Variants in MATN2 observed in about 807,000 individuals in gnomAD.
The protein encoded by MATN2 is matrilin-2.
MATN2 carries 69 observed loss-of-function variants against 103.2 expected under a neutral mutation model. That is an observed-to-expected ratio of 0.67 (90% CI 0.55 to 0.82). The LOEUF is 0.82. Ranked by LOEUF, MATN2 falls within the 40% of genes least tolerant of loss-of-function variation. The probability of loss-of-function intolerance (pLI) is 0.00; values close to 1 mark genes in which losing one functional copy is unlikely to be tolerated. For synonymous variants in MATN2, 429 were observed against 450.2 expected (o/e 0.95, Z 0.60); for missense variants, 1,023 against 1,211.5 (o/e 0.84, Z 2.31).
At position 97,955,181 on chromosome 8, in the gene MATN2, C is replaced by T. The variant is rs532730662; in HGVS notation, c.836-6227C>T. 4.3e-4 allele frequency among the ~76,000 whole-genome samples: 65 copies of T among 152,156 alleles called. 1 individual carries two copies. The highest frequency in any genetic ancestry group is 2.4e-4 in the Non-Finnish European group (16 of 67,986). On this transcript the variant is annotated intron_variant, in intron 4 of 18. Transcript: ENST00000254898. ...GGTCTTGTAGCCCCCTTGACCATCA[C>T]ATTAGAGTTTTTGGACTCCATCCTA...
At chr8:97,939,292 C>G (rs746221287) in intron 3 of MATN2, among the ~76,000 whole-genome samples, 1 of 152,202 alleles carries the variant, frequency 6.6e-6, no homozygotes, top group African/African-American at 2.4e-5. Context: ...AGGCACATCG[C>G]AGCCTTTCTG....
intron 2 of MATN2, among the ~76,000 whole-genome samples, chr8:97,895,612 T>C (rs1163738155): frequency 1.3e-5 from 2 of 152,178 alleles, no homozygotes; most frequent in African/African-American, 4.8e-5. Context: ...GGGATTCACA[T>C]TTTAGCTATT....
intron 3 of MATN2, among the ~76,000 whole-genome samples, chr8:97,938,402 T>C (rs1041879881): frequency 3.9e-5 from 6 of 152,208 alleles, no homozygotes; most frequent in African/African-American, 1.4e-4. Flanking sequence ...GTTAGGACCA[T>C]CGTTGCTGAC....
chr8:97,892,415 CAAAAAAAAAA>C (rs35181049), intron 2 of MATN2, among the ~76,000 whole-genome samples: 3 of 78,054 alleles, frequency 3.8e-5, no homozygotes, highest in South Asian at 5.1e-4. Context: ...GACCCTGTCT[CAAAAAAAAAA>C]AAAAAAAAAA....
chr8:97,904,696 A>G (rs1468412647), intron 2 of MATN2, among the ~76,000 whole-genome samples: 1 of 152,176 alleles, frequency 6.6e-6, no homozygotes, highest in Non-Finnish European at 1.5e-5. Flanking sequence ...TTTGTAGATA[A>G]GGAAAGGCCA....
At chr8:97,921,063 T>A (rs781538354) in intron 2 of MATN2, among the ~76,000 whole-genome samples, 9 of 152,204 alleles carry the variant, frequency 5.9e-5, no homozygotes, top group Non-Finnish European at 1.2e-4. Flanking sequence ...GGCTTGACAT[T>A]TTTACCAATT....
chr8:97,897,839 C>G (rs1818862287), intron 2 of MATN2, among the ~76,000 whole-genome samples: 1 of 152,154 alleles, frequency 6.6e-6, no homozygotes, highest in African/African-American at 2.4e-5. Context: ...TTCTTCATTC[C>G]TATCTTGTGA....
At chr8:97,958,286 T>C (rs1811201034) in intron 4 of MATN2, among the ~76,000 whole-genome samples, 1 of 152,220 alleles carries the variant, frequency 6.6e-6, no homozygotes, top group Non-Finnish European at 1.5e-5. Flanking sequence ...CAAGGCAGCA[T>C]CTGCAGTAGA....
At chr8:98,013,861 C>T (rs995600248) in intron 10 of MATN2, among the ~76,000 whole-genome samples, 2 of 152,186 alleles carry the variant, frequency 1.3e-5, no homozygotes, top group African/African-American at 4.8e-5. Context: ...GTAATCCCAG[C>T]ACTTTGGGAG....
intron 2 of MATN2, among the ~76,000 whole-genome samples, chr8:97,889,125 T>C (rs10103895): frequency 0.032 from 4,926 of 152,260 alleles, 284 homozygotes; most frequent in African/African-American, 0.11. Flanking sequence ...CATTTATACC[T>C]TGTTGGCCAG....
At chr8:97,900,108 G>A (rs1464562579) in intron 2 of MATN2, among the ~76,000 whole-genome samples, 1 of 152,202 alleles carries the variant, frequency 6.6e-6, no homozygotes, top group Non-Finnish European at 1.5e-5. Flanking sequence ...CCAAGAATTA[G>A]AACGACTAAC....
intron 6 of MATN2, among the ~76,000 whole-genome samples, chr8:97,986,120 C>CT (rs745940315): frequency 6.6e-6 from 1 of 151,952 alleles, no homozygotes; most frequent in Non-Finnish European, 1.5e-5. Flanking sequence ...ATGCTTGAAT[C>CT]TTTTTTTCTG....
At chr8:98,014,301 A>T (rs1298061691) in intron 10 of MATN2, among the ~76,000 whole-genome samples, 1 of 152,172 alleles carries the variant, frequency 6.6e-6, no homozygotes, top group East Asian at 1.9e-4. Flanking sequence ...TAGGGGGAAA[A>T]AAAAACACCT....
chr8:98,004,094 CT>C (rs1364768797), intron 8 of MATN2: 1 of 305,442 alleles, frequency 3.3e-6, no homozygotes, highest in Non-Finnish European at 6.5e-6. Context: ...CAAGACCAGC[CT>C]GGCCAACATG....
In MATN2 at chr8:97,882,487, G is replaced by A. The variant is rs187999323; in HGVS notation, c.-26-5588G>A. ...GGCTCACTGCAGCTTTGACCTCCTG[G>A]GCTCAAGCGATTCTCCCACCTCAGC... On this transcript the variant is annotated intron_variant, in intron 1 of 18. Transcript: ENST00000254898. 6.6e-5 allele frequency among the ~76,000 whole-genome samples: 10 copies of A among 151,910 alleles called. No individual in the cohort carries two copies. The East Asian group carries it at 1.7e-3, about 27-fold the overall frequency.
rs118174760 is a variant in MATN2, at chr8:97,895,137, T to C, written c.142+6895T>C. Reference sequence around the variant, plus strand: ...ATCTGCCCACCTAGGCCTCACAAAATGCTGGAATTACAGGCGTGAGCCACC... The same window carrying C: ...ATCTGCCCACCTAGGCCTCACAAAACGCTGGAATTACAGGCGTGAGCCACC... On this transcript the variant is annotated intron_variant, in intron 2 of 18. Transcript: ENST00000254898. Among the ~76,000 whole-genome samples the C allele has an allele frequency of 1.4e-3, 214 of 152,310 alleles. 3 individuals are homozygous for C. The East Asian group carries it at 0.037, about 27-fold the overall frequency.
chr8:97,885,186 A>G (rs991269347), intron 1 of MATN2, among the ~76,000 whole-genome samples: 3 of 152,236 alleles, frequency 2.0e-5, no homozygotes, highest in Non-Finnish European at 2.9e-5. Flanking sequence ...TCGGAGTGGA[A>G]GTGGGCCTTG....
chr8:97,894,477 C>T (rs781215418), intron 2 of MATN2, among the ~76,000 whole-genome samples: 9 of 151,980 alleles, frequency 5.9e-5, no homozygotes, highest in South Asian at 2.1e-4. Context: ...TGTACTACCA[C>T]GCCCAACTAA....
At position 97,994,614 on chromosome 8, in the gene MATN2, T is replaced by G. The variant is rs1459007606; in HGVS notation, c.1204+12T>G. 6.2e-7 allele frequency: 1 copy of G among 1,607,968 alleles called. No homozygotes were observed. ...GAAAACCTGCAGAAGTAAGTTACAG[T>G]GGGAGTTGGAGAAGGGCTTGTTCTG... On this transcript the variant is annotated intron_variant, in intron 7 of 18. Coordinates refer to ENST00000254898, the MANE Select transcript of MATN2 (RefSeq NM_002380.5).
Sources: allele counts gnomAD v4.1 joint callset (sites outside exome capture counted in the v4.1 genomes callset), GRCh38; gene constraint gnomAD v4.1.1; transcripts MANE v1.5; gene names NCBI Gene and HGNC (gene_info 2026-07-23, HGNC 2026-07-21).